The following ATRNL1 variants were observed in gnomAD, a reference collection of about 807,000 sequenced individuals.
ATRNL1 encodes the protein attractin like 1.
A neutral mutation model predicts 182.7 loss-of-function variants in ATRNL1; 95 were observed. That is an observed-to-expected ratio of 0.52 (90% CI 0.44 to 0.62). The LOEUF (loss-of-function observed/expected upper bound fraction) is 0.62. Among genes scored for constraint, ATRNL1 ranks in the 20% least tolerant of loss-of-function variants. The probability of loss-of-function intolerance (pLI) is 0.00; values close to 1 mark genes in which losing one functional copy is unlikely to be tolerated. For synonymous variants in ATRNL1, 576 were observed against 568.3 expected (o/e 1.01, Z -0.19); for missense variants, 1,471 against 1,679.5 (o/e 0.88, Z 2.17).
At chr10:115,513,045 TG>T (rs1415283688) in intron 24 of ATRNL1, among the ~76,000 whole-genome samples, 3 of 151,948 alleles carry the variant, frequency 2.0e-5, no homozygotes, top group African/African-American at 4.8e-5. Context: ...TTTTGCGATT[TG>T]TTTTTTTGTT....
chr10:115,561,876 C>G (rs782820880), intron 26 of ATRNL1, among the ~76,000 whole-genome samples: 15 of 152,056 alleles, frequency 9.9e-5, no homozygotes, highest in African/African-American at 3.4e-4. Context: ...CCAATTATCA[C>G]CAAAATGTTG....
intron 8 of ATRNL1, among the ~76,000 whole-genome samples, chr10:115,182,555 A>G (rs1433831050): frequency 6.6e-6 from 1 of 151,514 alleles, no homozygotes; most frequent in Non-Finnish European, 1.5e-5. Context: ...TTATTAAAAG[A>G]AAACATTTCA....
intron 24 of ATRNL1, among the ~76,000 whole-genome samples, chr10:115,472,694 G>A (rs1190026122): frequency 6.6e-6 from 1 of 151,040 alleles, no homozygotes; most frequent in Non-Finnish European, 1.5e-5. Flanking sequence ...TGTTGGTTTT[G>A]TATCCTGCAA....
At chr10:115,709,269 A>G (rs782106647) in intron 26 of ATRNL1, among the ~76,000 whole-genome samples, 11 of 151,916 alleles carry the variant, frequency 7.2e-5, no homozygotes, top group Non-Finnish European at 1.0e-4. Flanking sequence ...ACTCACTACA[A>G]TGCTAGAATT....
chr10:115,161,549 A>G (rs1162582150), intron 6 of ATRNL1, among the ~76,000 whole-genome samples: 1 of 152,082 alleles, frequency 6.6e-6, no homozygotes, highest in African/African-American at 2.4e-5. Context: ...AAAGAGCAAC[A>G]TTGTCAACAA....
intron 26 of ATRNL1, among the ~76,000 whole-genome samples, chr10:115,627,191 C>T: frequency 6.6e-6 from 1 of 152,096 alleles, no homozygotes; most frequent in African/African-American, 2.4e-5. Flanking sequence ...CAGTTGCTCC[C>T]CATTCTCCTC....
intron 27 of ATRNL1, among the ~76,000 whole-genome samples, chr10:115,821,867 G>A (rs1385682250): frequency 1.3e-5 from 2 of 150,868 alleles, no homozygotes; most frequent in Non-Finnish European, 3.0e-5. Flanking sequence ...CAATGTTAGA[G>A]CAACAAGACA....
intron 26 of ATRNL1, among the ~76,000 whole-genome samples, chr10:115,650,575 G>C (rs924055899): frequency 1.3e-5 from 2 of 148,528 alleles, no homozygotes; most frequent in African/African-American, 5.2e-5. Context: ...ACACAGATAC[G>C]TTTGAATAGA....
chr10:115,134,399 C>A (rs782671752), intron 5 of ATRNL1, among the ~76,000 whole-genome samples: 8 of 152,072 alleles, frequency 5.3e-5, no homozygotes, highest in South Asian at 4.2e-4. Context: ...TCAGAGAATA[C>A]TATAAACACC....
chr10:115,876,413 C>T (rs1951701723), intron 28 of ATRNL1, among the ~76,000 whole-genome samples: 2 of 152,134 alleles, frequency 1.3e-5, no homozygotes, highest in African/African-American at 4.8e-5. Context: ...CTATTTAATT[C>T]ATATTTATTT....
chr10:115,529,844 T>C (rs1194505554), intron 25 of ATRNL1, among the ~76,000 whole-genome samples: 1 of 152,100 alleles, frequency 6.6e-6, no homozygotes, highest in Non-Finnish European at 1.5e-5. Context: ...TTAGAACATA[T>C]CATCATCCCC....
intron 28 of ATRNL1, among the ~76,000 whole-genome samples, chr10:115,885,845 G>A (rs568607851): frequency 2.6e-5 from 4 of 152,236 alleles, no homozygotes; most frequent in Non-Finnish European, 5.9e-5. Context: ...AGTTTTGATG[G>A]ACGTTTAGGC....
intron 26 of ATRNL1, among the ~76,000 whole-genome samples, chr10:115,561,450 CAAT>C (rs1853701007): frequency 6.6e-6 from 1 of 151,978 alleles, no homozygotes; most frequent in Non-Finnish European, 1.5e-5. Flanking sequence ...AAAAATATAA[CAAT>C]AAATATAAAT....
chr10:115,275,132 T>A (rs1406409393), intron 13 of ATRNL1, among the ~76,000 whole-genome samples: 1 of 152,214 alleles, frequency 6.6e-6, no homozygotes, highest in Non-Finnish European at 1.5e-5. Context: ...CGCTCCGTAA[T>A]TGTCCTCACT....
intron 26 of ATRNL1, among the ~76,000 whole-genome samples, chr10:115,567,368 G>A (rs80051729): frequency 0.053 from 8,068 of 152,034 alleles, 689 homozygotes; most frequent in African/African-American, 0.18. Flanking sequence ...TGTGTATTGG[G>A]ATAAGTTTTT....
intron 8 of ATRNL1, among the ~76,000 whole-genome samples, chr10:115,199,570 A>G (rs1055816072): frequency 4.1e-4 from 63 of 152,270 alleles, no homozygotes; most frequent in African/African-American, 1.4e-3. Context: ...CTAAAAAAAA[A>G]AATTCAATAG....
intron 27 of ATRNL1, among the ~76,000 whole-genome samples, chr10:115,729,017 G>T (rs1411308306): frequency 6.6e-6 from 1 of 151,688 alleles, no homozygotes; most frequent in African/African-American, 2.4e-5. Context: ...GCTAAAAATC[G>T]AGTAACAAGA....
At chr10:115,231,993 CAG>C (rs545308917) in intron 9 of ATRNL1, among the ~76,000 whole-genome samples, 11 of 152,190 alleles carry the variant, frequency 7.2e-5, no homozygotes, top group Middle Eastern at 3.4e-3. Context: ...TGTGCGAACG[CAG>C]AGTCTTTTTA....
intron 24 of ATRNL1, among the ~76,000 whole-genome samples, chr10:115,506,478 G>A (rs975052824): frequency 7.2e-5 from 11 of 151,856 alleles, no homozygotes; most frequent in African/African-American, 2.4e-4. Flanking sequence ...CCTAGGGATG[G>A]GTCTCAGGCT....
Sources: allele counts gnomAD v4.1 joint callset (sites outside exome capture counted in the v4.1 genomes callset), GRCh38; gene constraint gnomAD v4.1.1; transcripts MANE v1.5; gene names NCBI Gene and HGNC (gene_info 2026-07-23, HGNC 2026-07-21).